EYS: variants seen among roughly 807,000 people sequenced by gnomAD.
EYS encodes EGF-like photoreceptor maintenance factor.
EYS carries 250 observed loss-of-function variants against 282.1 expected under a neutral mutation model. The observed-to-expected ratio is 0.89, with a 90% CI of 0.80 to 0.98. The LOEUF is 0.98. Among genes scored for constraint, EYS ranks in the 50% least tolerant of loss-of-function variants. EYS has a pLI of 0.00. For synonymous variants in EYS, 1,355 were observed against 1,282.9 expected, an observed-to-expected ratio of 1.06 and a Z score of -1.20; for missense variants, 4,016 against 3,709.0, an observed-to-expected ratio of 1.08 and a Z score of -2.15.
At chr6:65,194,620 G>GT (rs1324907024) in intron 12 of EYS, among the ~76,000 whole-genome samples, 1 of 151,846 alleles carries the variant, frequency 6.6e-6, no homozygotes, top group Non-Finnish European at 1.5e-5. Flanking sequence ...ATTTAAACAA[G>GT]TTTCTCACTT....
intron 7 of EYS, among the ~76,000 whole-genome samples, chr6:65,390,925 A>G (rs1229830476): frequency 6.6e-6 from 1 of 152,038 alleles, no homozygotes; most frequent in Admixed American, 6.6e-5. Flanking sequence ...CATTGTGGAT[A>G]CTTGGAAAAT....
In EYS at chr6:64,522,339, T is replaced by C. The variant is rs906986932; in HGVS notation, c.5644+67884A>G. On this transcript the variant is annotated intron_variant, in intron 26 of 42. Transcript: ENST00000503581. Reference sequence around the variant, plus strand: ...ATCACTCAGGGAATTATGAATTGAATAAGCCATACCAAGTTCTTACCACCT... The same window carrying C: ...ATCACTCAGGGAATTATGAATTGAACAAGCCATACCAAGTTCTTACCACCT... Among the ~76,000 whole-genome samples, 4 of 151,730 alleles carry C rather than the reference T, an allele frequency of 2.6e-5. No individual in the cohort carries two copies. In the East Asian group the frequency reaches 7.7e-4, roughly 29 times the overall value.
chr6:64,657,419 C>T (rs562562290), intron 22 of EYS, among the ~76,000 whole-genome samples: 151 of 152,260 alleles, frequency 9.9e-4, no homozygotes, highest in African/African-American at 3.5e-3. Context: ...GGTTATTTTG[C>T]TCATTAGTTG....
rs1766027508 is a variant in EYS, at chr6:65,612,216, GAT to G, written c.-333+27560_-333+27561del. ...ACCCTGTATATATATGTATATATAT[GAT>G]ATATATGTGTATATGTATATATCAT... On this transcript the variant is annotated intron_variant, in intron 2 of 42. Transcript: ENST00000503581. Among the ~76,000 whole-genome samples the G allele has an allele frequency of 2.7e-5, 4 of 150,348 alleles. No individual in the cohort carries two copies. The South Asian group carries it at 6.3e-4, about 24-fold the overall frequency.
chr6:63,877,571 A>T (rs912743271), intron 35 of EYS, among the ~76,000 whole-genome samples: 17 of 152,128 alleles, frequency 1.1e-4, no homozygotes, highest in Non-Finnish European at 2.4e-4. Context: ...GTGTTTTCCA[A>T]CTTGGTTCCA....
chr6:65,086,867 A>C (rs1774393298), intron 12 of EYS, among the ~76,000 whole-genome samples: 1 of 151,840 alleles, frequency 6.6e-6, no homozygotes, highest in Non-Finnish European at 1.5e-5. Flanking sequence ...CTCTGTCGCC[A>C]GGCTGGAGTG....
intron 31 of EYS, among the ~76,000 whole-genome samples, chr6:64,155,622 C>T (rs1445261672): frequency 1.3e-5 from 2 of 152,030 alleles, no homozygotes; most frequent in Admixed American, 1.3e-4. Context: ...AGGAAGGATA[C>T]CGTGTAAACT....
chr6:65,316,896 T>G (rs1292184358), intron 11 of EYS, among the ~76,000 whole-genome samples: 3 of 152,220 alleles, frequency 2.0e-5, no homozygotes, highest in Non-Finnish European at 2.9e-5. Flanking sequence ...GCACTTGGGT[T>G]GGTTCCAAGT....
intron 10 of EYS, among the ~76,000 whole-genome samples, chr6:65,339,057 A>T (rs1399396435): frequency 1.3e-5 from 2 of 151,262 alleles, no homozygotes; most frequent in African/African-American, 4.8e-5. Flanking sequence ...TGTAAGATCT[A>T]ATATATGCCC....
intron 33 of EYS, among the ~76,000 whole-genome samples, chr6:64,039,323 G>C (rs1770274850): frequency 6.6e-6 from 1 of 152,090 alleles, no homozygotes; most frequent in Non-Finnish European, 1.5e-5. Flanking sequence ...TTTTGGACAG[G>C]AATCTAACTC....
chr6:65,089,963 A>T lies in EYS; in HGVS notation c.2024-32236T>A, dbSNP rs568030269. 3.7e-3 allele frequency among the ~76,000 whole-genome samples: 448 copies of T among 122,528 alleles called. 2 individuals are homozygous for T. Among genetic ancestry groups the T allele is most frequent in the Non-Finnish European group, 5.9e-3 (362 of 61,016 alleles). The allele number at this position is 122,528 out of a possible 152,430, so 80.4% of individuals were successfully genotyped here. On this transcript the variant is annotated intron_variant, in intron 12 of 42. Coordinates refer to ENST00000503581, the MANE Select transcript of EYS (RefSeq NM_001142800.2). Reference sequence around the variant, plus strand: ...GAAAGCAAAAAAAAAAAAAAAAATTATATATATATATAAATAAATACACAC... The same window carrying T: ...GAAAGCAAAAAAAAAAAAAAAAATTTTATATATATATAAATAAATACACAC...
intron 22 of EYS, among the ~76,000 whole-genome samples, chr6:64,811,832 T>A (rs1006242411): frequency 6.6e-6 from 1 of 152,116 alleles, no homozygotes; most frequent in Non-Finnish European, 1.5e-5. Flanking sequence ...ATAAACCTCT[T>A]TTCTAGTCTC....
chr6:64,357,251 T>A (rs975490834), intron 29 of EYS, among the ~76,000 whole-genome samples: 37 of 151,780 alleles, frequency 2.4e-4, no homozygotes, highest in Non-Finnish European at 2.7e-4. Flanking sequence ...CAATTGTCAA[T>A]GACCTTTTTT....
At position 64,089,545 on chromosome 6, in the gene EYS, C is replaced by CTT. The variant is rs71551561; in HGVS notation, c.6425-7545_6425-7544dup. ...TATAGTATATATAAATTATACTAAA[C>CTT]TTTTTTACCACATTATACATTTTTG... On this transcript the variant is annotated intron_variant, in intron 31 of 42. Coordinates refer to ENST00000503581, the MANE Select transcript of EYS (RefSeq NM_001142800.2). Among the ~76,000 whole-genome samples the CTT allele has an allele frequency of 3.8e-4, 57 of 150,066 alleles. No homozygotes were observed. In the East Asian group the frequency reaches 7.6e-3, roughly 20 times the overall value.
chr6:64,421,858 G>T lies in EYS; in HGVS notation c.5927+14316C>A, dbSNP rs1044953761. 6.4e-4 allele frequency among the ~76,000 whole-genome samples: 34 copies of T among 52,764 alleles called. 1 individual carries two copies. The highest frequency in any genetic ancestry group is 4.8e-3 in the Admixed American group (24 of 5,046). The allele number at this position is 52,764 out of a possible 152,430, so 34.6% of individuals were successfully genotyped here. ...AGAGAGAGCGCATTTTTTTGTTTGG[G>T]GGGTGTGTGTGTGTGTGTGTGTGTG... On this transcript the variant is annotated intron_variant, in intron 28 of 42. Coordinates refer to ENST00000503581, the MANE Select transcript of EYS (RefSeq NM_001142800.2).
chr6:65,151,943 A>G (rs1318865371), intron 12 of EYS, among the ~76,000 whole-genome samples: 1 of 151,700 alleles, frequency 6.6e-6, no homozygotes, highest in Non-Finnish European at 1.5e-5. Flanking sequence ...TTTTGTTTTG[A>G]TTTAATTTTT....
chr6:63,986,972 G>A (rs1333811535), intron 34 of EYS, among the ~76,000 whole-genome samples: 1 of 151,468 alleles, frequency 6.6e-6, no homozygotes, highest in Non-Finnish European at 1.5e-5. Flanking sequence ...TATCTTAAAG[G>A]CAACCAAACC....
At chr6:65,430,625 T>C (rs1767848580) in intron 5 of EYS, among the ~76,000 whole-genome samples, 1 of 152,132 alleles carries the variant, frequency 6.6e-6, no homozygotes, top group South Asian at 2.1e-4. Flanking sequence ...ACCCTAACCC[T>C]TTCCTTCTGC....
intron 21 of EYS, among the ~76,000 whole-genome samples, chr6:64,820,578 A>C (rs1764870951): frequency 6.6e-6 from 1 of 152,166 alleles, no homozygotes. Context: ...ATCAACAGAT[A>C]ATTATGCTTT....
Sources: gnomAD v4.1 joint callset for allele counts (sites outside exome capture counted in the v4.1 genomes callset) on GRCh38, gnomAD v4.1.1 for gene constraint, MANE v1.5 for transcripts, NCBI Gene and HGNC (gene_info 2026-07-23, HGNC 2026-07-21) for gene names.